The following MTARC1 variants were observed in gnomAD, a reference collection of about 807,000 sequenced individuals.
MTARC1 encodes the protein mitochondrial amidoxime-reducing component 1.
A neutral mutation model predicts 33.6 loss-of-function variants in MTARC1; 24 were observed. The observed-to-expected ratio is 0.72, with a 90% CI of 0.52 to 1.01. MTARC1 has a LOEUF of 1.01. Among genes scored for constraint, MTARC1 ranks in the 50% least tolerant of loss-of-function variants. The pLI, the probability that MTARC1 is intolerant of heterozygous loss-of-function variation, is 0.00. For synonymous variants in MTARC1, 187 were observed against 189.5 expected (o/e 0.99, Z 0.11); for missense variants, 417 against 445.7 (o/e 0.94, Z 0.58).
chr1:220,794,412 C>T (rs1390166053), intron 2 of MTARC1: 1 of 65,476 alleles, frequency 1.5e-5, no homozygotes, highest in African/African-American at 4.2e-5. Flanking sequence ...CATTAAACTG[C>T]ACACACACAC....
chr1:220,809,191 G>A (rs1332126621), intron 6 of MTARC1, among the ~76,000 whole-genome samples: 1 of 152,218 alleles, frequency 6.6e-6, no homozygotes, highest in African/African-American at 2.4e-5. Flanking sequence ...TCAAGTCACA[G>A]TTTCTTTATT....
In MTARC1 at chr1:220,787,104, C is replaced by T. The variant is rs1424514908; in HGVS notation, c.160C>T (p.Gln54Ter). Residue 54 changes from glutamine to a stop codon, truncating the protein, a stop_gained, in exon 1 of 7, where the codon CAG becomes TAG. Coordinates refer to ENST00000366910, the MANE Select transcript of MTARC1 (RefSeq NM_022746.4). LOFTEE classifies it high-confidence loss of function. ...CACGCGGCGCCGGCGGCTGCTGCAGCAGGTGGGCACAGTGGCGCAGCTCTG... is the reference window on the plus strand; with the variant it reads ...CACGCGGCGCCGGCGGCTGCTGCAGTAGGTGGGCACAGTGGCGCAGCTCTG... ...WPTRRRRLLQ[Q>*]VGTVAQLWIY... is the part of the protein sequence containing the mutation. 1 of 1,520,480 alleles carries T rather than the reference C, an allele frequency of 6.6e-7. No individual in the cohort carries two copies. Among genetic ancestry groups the T allele is most frequent in the Non-Finnish European group, 8.8e-7 (1 of 1,137,602 alleles). The allele number at this position is 1,520,480 out of a possible 1,614,324, so 94.2% of individuals were successfully genotyped here.
chr1:220,805,876 A>C (rs991026234), intron 6 of MTARC1, among the ~76,000 whole-genome samples: 2 of 152,230 alleles, frequency 1.3e-5, no homozygotes, highest in African/African-American at 4.8e-5. Context: ...ACCGAGAATC[A>C]TTTTAAATTG....
intron 1 of MTARC1, among the ~76,000 whole-genome samples, chr1:220,789,399 C>T (rs1384481623): frequency 6.6e-6 from 1 of 152,198 alleles, no homozygotes; most frequent in South Asian, 2.1e-4. Flanking sequence ...TCTTGGGCCA[C>T]ACATAAAATA....
chr1:220,807,229 A>C (rs1379564619), intron 6 of MTARC1, among the ~76,000 whole-genome samples: 1 of 152,166 alleles, frequency 6.6e-6, no homozygotes, highest in Non-Finnish European at 1.5e-5. Context: ...TCTGCAACTT[A>C]CTTGGAAATG....
At chr1:220,792,652 G>GAAA (rs60569026) in intron 2 of MTARC1, among the ~76,000 whole-genome samples, 1 of 117,346 alleles carries the variant, frequency 8.5e-6, no homozygotes, top group Admixed American at 8.2e-5. Context: ...GAAATACCAA[G>GAAA]AAAAAAAAAA....
In MTARC1 at chr1:220,805,034, T is replaced by C. The variant is rs1402502786; in HGVS notation, c.754-18T>C. The C allele has an allele frequency of 6.2e-7, 1 of 1,614,002 alleles. No homozygotes were observed. Among genetic ancestry groups the C allele is most frequent in the East Asian group, 2.2e-5 (1 of 44,876 alleles). ...AGGGCCCAGAGATGCTCATGGGAAT[T>C]TGTGCTTTGTCCCCTAGGATTCTTG... is the stretch of plus-strand genomic sequence containing the variant. On this transcript the variant is annotated intron_variant, in intron 4 of 6. Coordinates refer to ENST00000366910, the MANE Select transcript of MTARC1 (RefSeq NM_022746.4).
At chr1:220,806,371 C>T (rs1361893665) in intron 6 of MTARC1, among the ~76,000 whole-genome samples, 1 of 152,154 alleles carries the variant, frequency 6.6e-6, no homozygotes, top group Non-Finnish European at 1.5e-5. Context: ...CTTGGCCTCC[C>T]CAGGTGTATC....
In MTARC1 at chr1:220,818,053, G is replaced by A. The variant is rs1403871379; in HGVS notation, c.*4635G>A. The A allele has an allele frequency of 6.6e-6, 1 of 152,202 alleles. No homozygotes were observed. The highest frequency in any genetic ancestry group is 1.5e-5 in the Non-Finnish European group (1 of 68,056). The allele number at this position is 152,202 out of a possible 1,614,324, so 9.4% of individuals were successfully genotyped here. A position where few individuals can be genotyped will look rare whatever the true frequency, so the allele number is the denominator to read the frequency against. On this transcript the variant is annotated 3_prime_UTR_variant, in exon 7 of 7. Coordinates refer to ENST00000366910, the MANE Select transcript of MTARC1 (RefSeq NM_022746.4). The stretch of plus-strand genomic sequence containing the variant: ...ATTGTTTGCTTCAACCACTTTCTCT[G>A]AATGGATGAATGAGTTATGATGATA...
At chr1:220,808,345 C>T (rs894512443) in intron 6 of MTARC1, among the ~76,000 whole-genome samples, 2 of 152,212 alleles carry the variant, frequency 1.3e-5, no homozygotes, top group African/African-American at 2.4e-5. Flanking sequence ...TTTGTGAAGC[C>T]CAACAATCTG....
At chr1:220,811,031 C>G (rs748329319) in intron 6 of MTARC1, among the ~76,000 whole-genome samples, 2 of 152,224 alleles carry the variant, frequency 1.3e-5, no homozygotes, top group Non-Finnish European at 2.9e-5. Context: ...GCGCAGAACT[C>G]CAACTCTCAA....
intron 6 of MTARC1, among the ~76,000 whole-genome samples, chr1:220,809,186 T>C (rs1673055292): frequency 6.6e-6 from 1 of 152,190 alleles, no homozygotes. Context: ...GCTCTTCAAG[T>C]CACAGTTTCT....
At chr1:220,804,976 C>T (rs1672926861) in intron 4 of MTARC1, 76 bp from the exon 5 acceptor site, 15 of 1,511,934 alleles carry the variant, frequency 9.9e-6, no homozygotes, top group Non-Finnish European at 1.4e-5. Context: ...GGTGCGAGGG[C>T]TCCTGGGAAA....
intron 6 of MTARC1, among the ~76,000 whole-genome samples, chr1:220,812,033 G>A (rs1673147904): frequency 2.0e-5 from 3 of 152,214 alleles, no homozygotes; most frequent in Admixed American, 1.3e-4. Context: ...AATTGAGGAG[G>A]GGGAATTACT....
At chr1:220,808,884 C>G (rs1673046765) in intron 6 of MTARC1, 1 of 470,954 alleles carries the variant, frequency 2.1e-6, no homozygotes, top group Non-Finnish European at 4.4e-6. Flanking sequence ...CACTGATCCC[C>G]ATGGTTGAAG....
chr1:220,805,039 C>T lies in MTARC1; in HGVS notation c.754-13C>T. 1 of 1,614,072 alleles carries T rather than the reference C, an allele frequency of 6.2e-7. No individual in the cohort carries two copies. Among genetic ancestry groups the T allele is most frequent in the Non-Finnish European group, 8.5e-7 (1 of 1,179,962 alleles). On this transcript the variant is annotated splice_polypyrimidine_tract_variant and intron_variant, in intron 4 of 6. Transcript: ENST00000366910. ...CCAGAGATGCTCATGGGAATTTGTG[C>T]TTTGTCCCCTAGGATTCTTGGGATG...
rs1225422050 is a variant in MTARC1, at chr1:220,798,015, G to A, written c.753+1G>A. 3 of 1,614,200 alleles carry A rather than the reference G, an allele frequency of 1.9e-6. No individual in the cohort carries two copies. In the South Asian group the frequency reaches 3.3e-5, roughly 18 times the overall value. ...TTCAGGATGCGATGTCTATGCAGAGGTAACACTATGCCCCTTTGGATCTTT... is the reference window on the plus strand; with the variant it reads ...TTCAGGATGCGATGTCTATGCAGAGATAACACTATGCCCCTTTGGATCTTT... On this transcript the variant is annotated splice_donor_variant, in intron 4 of 6. Coordinates refer to ENST00000366910, the MANE Select transcript of MTARC1 (RefSeq NM_022746.4). LOFTEE classifies it high-confidence loss of function.
Position 220,805,287 on chromosome 1 carries a change from AGAC to A in MTARC1, c.887+15_887+17del. ...AAACACTGAAGAGGTAGGACTGGGC[AGAC>A]GGGGCTCATCCTCGGGTTTAGGTGC... is the stretch of plus-strand genomic sequence containing the variant. On this transcript the variant is annotated intron_variant, in intron 6 of 6. Transcript: ENST00000366910. 1 of 1,612,522 alleles carries A rather than the reference AGAC, an allele frequency of 6.2e-7. No homozygotes were observed. The highest frequency in any genetic ancestry group is 1.1e-5 in the South Asian group (1 of 91,010).
Position 220,813,371 on chromosome 1 carries a change from C to T in MTARC1, c.967C>T (p.Pro323Ser), listed in dbSNP as rs1673198817. The change falls in exon 7 of 7, where the codon CCA becomes TCA. Residue 323 changes from proline to serine, a missense_variant. Pro to Ser is a moderately conservative substitution (Grantham distance 74). Coordinates refer to ENST00000366910, the MANE Select transcript of MTARC1 (RefSeq NM_022746.4). ...LFGQYFVLEN[P>S]GTIKVGDPVY... ...TGGGCAGTATTTTGTGCTGGAAAAC[C>T]CAGGGACCATCAAAGTGGGAGACCC... is the stretch of plus-strand genomic sequence containing the variant. 6.2e-7 allele frequency: 1 copy of T among 1,613,966 alleles called. No homozygotes were observed. Among genetic ancestry groups the T allele is most frequent in the African/African-American group, 1.3e-5 (1 of 74,880 alleles).
Sources: gnomAD v4.1 joint callset for allele counts (sites outside exome capture counted in the v4.1 genomes callset) on GRCh38, gnomAD v4.1.1 for gene constraint, MANE v1.5 for transcripts, NCBI Gene and HGNC (gene_info 2026-07-23, HGNC 2026-07-21) for gene names.